The following CLVS1 variants were observed in gnomAD, a reference collection of about 807,000 sequenced individuals.
CLVS1 encodes the protein clavesin 1.
Under a neutral mutation model 33.1 loss-of-function variants are expected in CLVS1, and 10 were observed. The observed-to-expected ratio is 0.30, with a 90% CI of 0.19 to 0.51. The LOEUF (loss-of-function observed/expected upper bound fraction) is 0.51, where lower values mean the gene tolerates loss of function less well. Among genes scored for constraint, CLVS1 ranks in the 20% least tolerant of loss-of-function variants. CLVS1 has a pLI of 0.97. For synonymous variants in CLVS1, 163 were observed against 166.1 expected, an observed-to-expected ratio of 0.98 and a Z score of 0.14; for missense variants, 343 against 433.4, an observed-to-expected ratio of 0.79 and a Z score of 1.85.
chr8:61,368,962 TTTTTC>T (rs1813321784), intron 2 of CLVS1, among the ~76,000 whole-genome samples: 1 of 152,084 alleles, frequency 6.6e-6, no homozygotes, highest in African/African-American at 2.4e-5. Context: ...CTTGCAGGAT[TTTTTC>T]TTTCCTTTCC....
intron 2 of CLVS1, among the ~76,000 whole-genome samples, chr8:61,225,981 A>T (rs897789056): frequency 3.3e-5 from 5 of 152,240 alleles, no homozygotes; most frequent in African/African-American, 4.8e-5. Flanking sequence ...ACCAGGAAAG[A>T]TGGTGTAACT....
At chr8:61,292,716 A>AT (rs1170739563) in intron 1 of CLVS1, among the ~76,000 whole-genome samples, 11 of 152,276 alleles carry the variant, frequency 7.2e-5, no homozygotes, top group South Asian at 2.1e-4. Flanking sequence ...TGACTCAACA[A>AT]TTATTTCCCT....
intron 5 of CLVS1, among the ~76,000 whole-genome samples, chr8:61,471,572 G>T (rs1004732779): frequency 6.6e-6 from 1 of 152,202 alleles, no homozygotes; most frequent in Non-Finnish European, 1.5e-5. Flanking sequence ...TTGTACCCTT[G>T]GAGCCCTGCA....
chr8:61,324,562 G>T (rs946283478), intron 2 of CLVS1, among the ~76,000 whole-genome samples: 1 of 152,168 alleles, frequency 6.6e-6, no homozygotes, highest in African/African-American at 2.4e-5. Context: ...AAATGTGGAA[G>T]TGACTTTGGA....
intron 1 of CLVS1, among the ~76,000 whole-genome samples, chr8:61,116,500 T>G (rs930028264): frequency 4.6e-5 from 7 of 152,226 alleles, no homozygotes; most frequent in Admixed American, 4.6e-4. Flanking sequence ...TTTTATGGTT[T>G]TAGGTCTAAC....
the CLVS1 span, chr8:60,966,103 C>T: frequency 2.5e-4 from 66 of 262,902 alleles, no homozygotes; most frequent in East Asian, 2.3e-3. Context: ...TGAGCCACTG[C>T]GCCTGGCCCC....
intron 2 of CLVS1, among the ~76,000 whole-genome samples, chr8:61,344,667 G>A (rs983102371): frequency 6.6e-6 from 1 of 152,160 alleles, no homozygotes; most frequent in Non-Finnish European, 1.5e-5. Flanking sequence ...ATGGAGCAGA[G>A]GACCCGCATA....
rs571898813 is a variant in CLVS1, at chr8:61,202,610, T to C, written c.-152+70750T>C. On this transcript the variant is annotated intron_variant, in intron 2 of 2. Coordinates refer to the CLVS1 transcript ENST00000522621. ...TTGAAAATGTCTGTACAGCCAACGGTTTCCCTTGGGGGCTTTGAAACAACA... is the reference window on the plus strand; with the variant it reads ...TTGAAAATGTCTGTACAGCCAACGGCTTCCCTTGGGGGCTTTGAAACAACA... 135 of 1,434,308 alleles carry C rather than the reference T, an allele frequency of 9.4e-5. No individual in the cohort carries two copies. The African/African-American group carries it at 1.6e-3, about 17-fold the overall frequency. 88.8% of individuals were successfully genotyped at this position (1,434,308 alleles called of 1,614,324 possible).
At chr8:61,290,967 T>C (rs1187062312) in intron 1 of CLVS1, among the ~76,000 whole-genome samples, 1 of 152,218 alleles carries the variant, frequency 6.6e-6, no homozygotes, top group Non-Finnish European at 1.5e-5. Flanking sequence ...CTAACTGATG[T>C]ATGTCTCTTT....
At chr8:61,255,179 A>G (rs999806146) in intron 2 of CLVS1, among the ~76,000 whole-genome samples, 1 of 152,218 alleles carries the variant, frequency 6.6e-6, no homozygotes, top group African/African-American at 2.4e-5. Context: ...AGATCACAGA[A>G]TATTTCAGTG....
At chr8:61,134,561 C>G (rs1806158068) in intron 2 of CLVS1, among the ~76,000 whole-genome samples, 1 of 152,208 alleles carries the variant, frequency 6.6e-6, no homozygotes, top group South Asian at 2.1e-4. Flanking sequence ...TCTGGAGGCT[C>G]TAGGGGAGAA....
Position 61,213,642 on chromosome 8 carries a change from C to A in CLVS1, c.-152+81782C>A, listed in dbSNP as rs143016482. Among the ~76,000 whole-genome samples the A allele has an allele frequency of 1.0e-2, 1,522 of 152,222 alleles. 13 individuals carry two copies. Among genetic ancestry groups the A allele is most frequent in the Non-Finnish European group, 0.015 (1,049 of 68,032 alleles). ...ATCAATACCCTTGTGATTTCCTACA[C>A]CCGTCTTTACTTTAATCTCTTAATC... On this transcript the variant is annotated intron_variant, in intron 2 of 2. Coordinates refer to the CLVS1 transcript ENST00000522621.
At chr8:61,285,862 TG>T (rs1809766263), upstream of CLVS1, among the ~76,000 whole-genome samples, 1 of 152,056 alleles carries the variant, frequency 6.6e-6, no homozygotes, top group Non-Finnish European at 1.5e-5. Flanking sequence ...GTGACTAGCA[TG>T]GATGTTTAAG....
intron 5 of CLVS1, among the ~76,000 whole-genome samples, chr8:61,461,090 G>T (rs1014634142): frequency 3.3e-5 from 5 of 152,222 alleles, no homozygotes; most frequent in African/African-American, 9.6e-5. Flanking sequence ...TATTGTTTGT[G>T]CTGTTAGTGG....
At chr8:61,182,485 G>A (rs958557518) in intron 2 of CLVS1, among the ~76,000 whole-genome samples, 2 of 151,906 alleles carry the variant, frequency 1.3e-5, no homozygotes, top group Non-Finnish European at 2.9e-5. Context: ...AAATTTATGA[G>A]AAAAAAACAA....
chr8:61,275,872 TCA>T (rs1360640721), intron 2 of CLVS1, among the ~76,000 whole-genome samples: 1 of 152,240 alleles, frequency 6.6e-6, no homozygotes, highest in Non-Finnish European at 1.5e-5. Context: ...CTCTTAGCCG[TCA>T]TGTTGCTCGT....
At chr8:61,135,363 C>T (rs1001987261) in intron 2 of CLVS1, among the ~76,000 whole-genome samples, 43 of 152,176 alleles carry the variant, frequency 2.8e-4, no homozygotes, top group Admixed American at 3.9e-4. Flanking sequence ...TGCTTTTTCC[C>T]GCCTGTAGGA....
In CLVS1 at chr8:61,500,735, T is replaced by TGAC. The variant is rs1457820991; in HGVS notation, c.*1194_*1196dup. The TGAC allele has an allele frequency of 6.6e-6, 1 of 152,254 alleles. No homozygotes were observed. Among genetic ancestry groups the TGAC allele is most frequent in the Admixed American group, 6.5e-5 (1 of 15,286 alleles). 9.4% of individuals were successfully genotyped at this position (152,254 alleles called of 1,614,324 possible). On this transcript the variant is annotated 3_prime_UTR_variant, in exon 6 of 6. Transcript: ENST00000325897. Reference sequence around the variant, plus strand: ...TCTCTTATTCGCCCAGCCATCTGCATGACATGGGTATTTATTAGTATTACC... The same window carrying TGAC: ...TCTCTTATTCGCCCAGCCATCTGCATGACGACATGGGTATTTATTAGTATTACC...
upstream of CLVS1, among the ~76,000 whole-genome samples, chr8:61,055,481 A>G (rs943895242): frequency 6.6e-6 from 1 of 152,228 alleles, no homozygotes; most frequent in Non-Finnish European, 1.5e-5. Flanking sequence ...AATCAGTCTG[A>G]AAAGGAATAT....
Sources: allele counts gnomAD v4.1 joint callset (sites outside exome capture counted in the v4.1 genomes callset), GRCh38; gene constraint gnomAD v4.1.1; transcripts MANE v1.5; gene names NCBI Gene and HGNC (gene_info 2026-07-23, HGNC 2026-07-21).